The following XRCC4 variants were observed in gnomAD, a reference collection of about 807,000 sequenced individuals.
XRCC4 encodes X-ray repair cross complementing 4.
In XRCC4, 28 loss-of-function variants were observed where a neutral mutation model predicts 39.1. That is an observed-to-expected ratio of 0.72 (90% CI 0.53 to 0.98). The LOEUF (loss-of-function observed/expected upper bound fraction) is 0.98. Among genes scored for constraint, XRCC4 ranks in the 50% least tolerant of loss-of-function variants. The probability of loss-of-function intolerance (pLI) is 0.00; values close to 1 mark genes in which losing one functional copy is unlikely to be tolerated. For missense variants in XRCC4, 350 were observed against 376.4 expected, an observed-to-expected ratio of 0.93 and a Z score of 0.58; for synonymous variants, 123 against 126.4, an observed-to-expected ratio of 0.97 and a Z score of 0.18.
chr5:83,207,828 T>C (rs528000985), intron 6 of XRCC4, among the ~76,000 whole-genome samples: 1 of 152,178 alleles, frequency 6.6e-6, no homozygotes, highest in East Asian at 1.9e-4. Flanking sequence ...ACTATGTTTT[T>C]TGAGGCAGAG....
At chr5:83,130,481 C>T (rs1248329672) in intron 3 of XRCC4, among the ~76,000 whole-genome samples, 1 of 152,126 alleles carries the variant, frequency 6.6e-6, no homozygotes, top group East Asian at 1.9e-4. Flanking sequence ...ATGTTGGCCT[C>T]ATAAAATGAG....
chr5:83,083,451 A>C (rs1381916809), intron 1 of XRCC4, among the ~76,000 whole-genome samples: 1 of 143,376 alleles, frequency 7.0e-6, no homozygotes, highest in Non-Finnish European at 1.5e-5. Flanking sequence ...ATCTCTACTC[A>C]CTACAACCTC....
At chr5:83,340,630 A>AC (rs397758876) in intron 7 of XRCC4, among the ~76,000 whole-genome samples, 1 of 151,388 alleles carries the variant, frequency 6.6e-6, no homozygotes, top group Non-Finnish European at 1.5e-5. Context: ...AAAAAAAAAA[A>AC]CAACAAAACA....
chr5:83,253,366 A>C (rs576443057), intron 6 of XRCC4, among the ~76,000 whole-genome samples: 2 of 152,118 alleles, frequency 1.3e-5, no homozygotes, highest in East Asian at 3.9e-4. Context: ...TTGTCTGTAC[A>C]TGGCATTTGC....
intron 7 of XRCC4, among the ~76,000 whole-genome samples, chr5:83,337,924 G>A (rs115586110): frequency 1.9e-3 from 283 of 152,202 alleles, no homozygotes; most frequent in African/African-American, 6.3e-3. Flanking sequence ...CGGAAGAGTC[G>A]TGGAAAGCTT....
chr5:83,362,588 AAACACTAG>A, the XRCC4 span, among the ~76,000 whole-genome samples: 1 of 152,158 alleles, frequency 6.6e-6, no homozygotes, highest in Non-Finnish European at 1.5e-5. Context: ...ATAATAAAAC[AAACACTAG>A]TGTTTTCTTG....
intron 6 of XRCC4, among the ~76,000 whole-genome samples, chr5:83,246,832 T>A (rs1753120628): frequency 6.6e-6 from 1 of 152,202 alleles, no homozygotes. Flanking sequence ...GCACATTTTA[T>A]GAATTTCAGA....
intron 3 of XRCC4, among the ~76,000 whole-genome samples, chr5:83,194,966 A>G (rs28360131): frequency 0.032 from 4,888 of 152,246 alleles, 127 homozygotes; most frequent in South Asian, 0.13. Context: ...TTACACTTCA[A>G]CCAAAAGATG....
intron 3 of XRCC4, among the ~76,000 whole-genome samples, chr5:83,124,743 C>CA (rs545094422): frequency 5.8e-4 from 88 of 152,294 alleles, no homozygotes; most frequent in African/African-American, 2.0e-3. Flanking sequence ...TTTTGTGCTA[C>CA]AATGGCAAAG....
chr5:83,166,076 G>A (rs552942532), intron 3 of XRCC4, among the ~76,000 whole-genome samples: 3 of 151,846 alleles, frequency 2.0e-5, no homozygotes, highest in African/African-American at 7.2e-5. Context: ...TAGTAGAGAT[G>A]GGGTTTCGCC....
At chr5:83,171,022 C>T (rs1026922263) in intron 3 of XRCC4, among the ~76,000 whole-genome samples, 2 of 152,012 alleles carry the variant, frequency 1.3e-5, no homozygotes, top group Non-Finnish European at 2.9e-5. Flanking sequence ...GTTCTAAGTC[C>T]GAATTCTCCA....
At chr5:83,340,862 T>G (rs555844680) in intron 7 of XRCC4, among the ~76,000 whole-genome samples, 1 of 152,338 alleles carries the variant, frequency 6.6e-6, no homozygotes, top group African/African-American at 2.4e-5. Flanking sequence ...GGTCCCAGTT[T>G]AGAAATCACT....
At chr5:83,198,890 G>A (rs1199088867) in intron 4 of XRCC4, among the ~76,000 whole-genome samples, 3 of 152,086 alleles carry the variant, frequency 2.0e-5, no homozygotes, top group Non-Finnish European at 2.9e-5. Context: ...AGATGTGTAC[G>A]TGAATCCTTA....
At chr5:83,289,944 A>C (rs1403940381) in intron 7 of XRCC4, among the ~76,000 whole-genome samples, 1 of 151,790 alleles carries the variant, frequency 6.6e-6, no homozygotes, top group Admixed American at 6.6e-5. Flanking sequence ...CATAAACTGT[A>C]GGAAAGGATG....
intron 3 of XRCC4, among the ~76,000 whole-genome samples, chr5:83,172,350 A>G (rs908586973): frequency 6.6e-6 from 1 of 152,168 alleles, no homozygotes; most frequent in African/African-American, 2.4e-5. Context: ...CTTGTCCCTA[A>G]AGACCATTTT....
Position 83,195,820 on chromosome 5 carries a change from C to A in XRCC4, c.366C>A (p.Val122=), listed in dbSNP as rs1456939421. 1.9e-6 allele frequency: 3 copies of A among 1,610,804 alleles called. No individual in the cohort carries two copies. The highest frequency in any genetic ancestry group is 2.5e-6 in the Non-Finnish European group (3 of 1,178,032). The part of the protein sequence containing the change: ...NLEKVENPAE[V]IRELICYCLD... ...AGAAAGTTGAAAACCCAGCTGAAGT[C>A]ATTAGAGAACTTATTTGTTATTGCT... is the stretch of plus-strand genomic sequence containing the variant. Residue 122 remains valine, a synonymous_variant, in exon 4 of 8, where the codon GTC becomes GTA. Transcript: ENST00000396027.
intron 3 of XRCC4, among the ~76,000 whole-genome samples, chr5:83,193,539 T>C (rs1430251795): frequency 6.6e-6 from 1 of 152,228 alleles, no homozygotes; most frequent in Non-Finnish European, 1.5e-5. Flanking sequence ...GTTTGAGTGA[T>C]ATTTTGAAAG....
At chr5:83,302,196 C>A (rs975149072) in intron 7 of XRCC4, among the ~76,000 whole-genome samples, 4 of 152,158 alleles carry the variant, frequency 2.6e-5, no homozygotes, top group East Asian at 1.9e-4. Flanking sequence ...CTGGCTTAAG[C>A]CCTTTTTCCA....
chr5:83,183,438 G>A (rs1750293569), intron 3 of XRCC4, among the ~76,000 whole-genome samples: 1 of 151,210 alleles, frequency 6.6e-6, no homozygotes, highest in Non-Finnish European at 1.5e-5. Flanking sequence ...GTGTGTGTGT[G>A]TGTGTGTGTG....
Sources: allele counts gnomAD v4.1 joint callset (sites outside exome capture counted in the v4.1 genomes callset), GRCh38; gene constraint gnomAD v4.1.1; transcripts MANE v1.5; gene names NCBI Gene and HGNC (gene_info 2026-07-23, HGNC 2026-07-21).